Variants in INTS4 observed in about 807,000 individuals in gnomAD.
INTS4 encodes the protein integrator complex subunit 4.
In INTS4, 70 loss-of-function variants were observed where a neutral mutation model predicts 119.5. The ratio of observed to expected loss-of-function variants is 0.59; its 90% CI spans 0.48 to 0.71. INTS4 has a LOEUF of 0.71. INTS4 is among the 30% of genes least tolerant of loss of function. The pLI, the probability that INTS4 is intolerant of heterozygous loss-of-function variation, is 0.00. For missense variants in INTS4, 867 were observed against 1,173.2 expected (o/e 0.74, Z 3.81); for synonymous variants, 316 against 419.6 (o/e 0.75, Z 3.02).
chr11:77,940,620 G>T (rs1175990481), intron 9 of INTS4, among the ~76,000 whole-genome samples: 2 of 152,006 alleles, frequency 1.3e-5, no homozygotes, highest in Non-Finnish European at 2.9e-5. Context: ...GTTTTCTGGG[G>T]TTTTTTGGTT....
intron 10 of INTS4, among the ~76,000 whole-genome samples, chr11:77,929,411 G>C (rs1187340453): frequency 1.3e-5 from 2 of 152,096 alleles, no homozygotes; most frequent in Non-Finnish European, 2.9e-5. Context: ...CCACATATAT[G>C]TGATGAAGTC....
At chr11:77,956,714 AATAATAATAATAAT>A in intron 7 of INTS4, among the ~76,000 whole-genome samples, 1 of 8,714 alleles carries the variant, frequency 1.1e-4, no homozygotes, top group East Asian at 0.012. Flanking sequence ...CTCAAAAAAT[AATAATAATAATAAT>A]AATAATAATA....
chr11:77,970,998 C>T (rs532352716), intron 4 of INTS4, among the ~76,000 whole-genome samples: 9 of 151,780 alleles, frequency 5.9e-5, no homozygotes, highest in South Asian at 2.1e-4. Context: ...AGTAGAAACA[C>T]GGTTTCATCA....
At chr11:77,900,241 T>A (rs1255256954) in intron 18 of INTS4, among the ~76,000 whole-genome samples, 7 of 152,064 alleles carry the variant, frequency 4.6e-5, no homozygotes, top group East Asian at 3.9e-4. Context: ...CTGGGACTAC[T>A]GGTGCATGCC....
At chr11:77,901,793 A>T (rs1952785941) in intron 17 of INTS4, among the ~76,000 whole-genome samples, 1 of 151,934 alleles carries the variant, frequency 6.6e-6, no homozygotes, top group Non-Finnish European at 1.5e-5. Context: ...ATGTGAAGAT[A>T]AGAAAGTTTA....
rs188691997 is a variant in INTS4, at chr11:77,900,168, C to T, written c.2228+1253G>A. On this transcript the variant is annotated intron_variant, in intron 18 of 22. Coordinates refer to ENST00000534064, the MANE Select transcript of INTS4 (RefSeq NM_033547.4). ...AGGCTGGAGTGCAGTGGTGTGATTTCGGCCCACTGCAACCTCCACCTCCCA... is the reference window on the plus strand; with the variant it reads ...AGGCTGGAGTGCAGTGGTGTGATTTTGGCCCACTGCAACCTCCACCTCCCA... Among the ~76,000 whole-genome samples the T allele has an allele frequency of 9.2e-4, 139 of 151,300 alleles. 2 individuals are homozygous for T. The East Asian group carries it at 0.02, about 22-fold the overall frequency.
At chr11:77,963,484 G>T (rs933573103) in intron 4 of INTS4, 3 of 413,822 alleles carry the variant, frequency 7.2e-6, no homozygotes, top group African/African-American at 2.1e-5. Context: ...TCAGGCCATT[G>T]AAGTGCCATA....
chr11:77,917,366 T>G lies in INTS4; in HGVS notation c.1922+1455A>C, dbSNP rs192204101. ...TCTCACTCTGTTGCCCAGACTGGAG[T>G]GCAGTGGCGCAATCCTGGCTCACTG... On this transcript the variant is annotated intron_variant, in intron 15 of 22. Transcript: ENST00000534064. 7.1e-4 allele frequency among the ~76,000 whole-genome samples: 106 copies of G among 150,078 alleles called. 1 individual carries two copies. The highest frequency in any genetic ancestry group is 6.8e-3 in the Middle Eastern group (2 of 294).
At chr11:77,972,832 T>C (rs760080008) in intron 4 of INTS4, among the ~76,000 whole-genome samples, 2 of 36,812 alleles carry the variant, frequency 5.4e-5, no homozygotes, top group African/African-American at 1.8e-4. Flanking sequence ...CTTTTGTGGG[T>C]TTTTTTTTTT....
chr11:77,968,428 A>G (rs1217722189), intron 4 of INTS4, among the ~76,000 whole-genome samples: 1 of 152,196 alleles, frequency 6.6e-6, no homozygotes, highest in East Asian at 1.9e-4. Context: ...ACTTACCTGA[A>G]GTCCCTACAG....
At chr11:77,987,751 G>T (rs554724825) in intron 2 of INTS4, 24 of 413,778 alleles carry the variant, frequency 5.8e-5, no homozygotes, top group African/African-American at 4.3e-4. Flanking sequence ...GCATGTGCCT[G>T]TGGTCCCAGC....
At chr11:77,888,470 C>T (rs1952116171) in intron 21 of INTS4, among the ~76,000 whole-genome samples, 2 of 152,212 alleles carry the variant, frequency 1.3e-5, no homozygotes, top group South Asian at 4.2e-4. Context: ...CCATAAAAAC[C>T]CTAGAAGAAA....
chr11:77,994,567 G>A, intron 1 of INTS4, 23 bp downstream of exon 1: 1 of 1,577,686 alleles, frequency 6.3e-7, no homozygotes, highest in Non-Finnish European at 8.7e-7. Flanking sequence ...GATCGGTTCT[G>A]GATCTTTCCC....
chr11:77,982,974 A>G (rs1234550237), intron 2 of INTS4, among the ~76,000 whole-genome samples: 1 of 152,194 alleles, frequency 6.6e-6, no homozygotes, highest in Non-Finnish European at 1.5e-5. Flanking sequence ...TATGCACATA[A>G]CTTTAGAAAA....
At chr11:77,909,404 T>C (rs1591043164) in intron 15 of INTS4, among the ~76,000 whole-genome samples, 1 of 152,260 alleles carries the variant, frequency 6.6e-6, no homozygotes, top group Non-Finnish European at 1.5e-5. Flanking sequence ...TCAAGACACC[T>C]ACAGATTTGG....
chr11:77,930,002 A>G (rs1432111471), intron 10 of INTS4, among the ~76,000 whole-genome samples: 2 of 152,216 alleles, frequency 1.3e-5, no homozygotes, highest in African/African-American at 2.4e-5. Context: ...CAATAAAGCC[A>G]CTGATCCGAG....
intron 15 of INTS4, among the ~76,000 whole-genome samples, chr11:77,916,904 T>G (rs1487233894): frequency 6.6e-6 from 1 of 152,228 alleles, no homozygotes; most frequent in Non-Finnish European, 1.5e-5. Flanking sequence ...TCATTTCTTA[T>G]TTCTCTCTAC....
rs1483538013 is a variant in INTS4, at chr11:77,891,306, A to G, written c.2592+13T>C. 8.1e-6 allele frequency: 13 copies of G among 1,608,356 alleles called. No individual in the cohort carries two copies. In the Admixed American group the frequency reaches 1.7e-4, roughly 21 times the overall value. ...CAGTCTAGAAGCTCCATGAGGACCC[A>G]AACCCGACAGACCTGGACCTTAACA... On this transcript the variant is annotated intron_variant, in intron 21 of 22. Transcript: ENST00000534064.
At chr11:77,980,082 C>A (rs1214782529) in intron 3 of INTS4, among the ~76,000 whole-genome samples, 1 of 151,948 alleles carries the variant, frequency 6.6e-6, no homozygotes, top group Non-Finnish European at 1.5e-5. Flanking sequence ...ACATACCAGG[C>A]CTTCCATGTT....
Sources: allele counts gnomAD v4.1 joint callset (sites outside exome capture counted in the v4.1 genomes callset), GRCh38; gene constraint gnomAD v4.1.1; transcripts MANE v1.5; gene names NCBI Gene and HGNC (gene_info 2026-07-23, HGNC 2026-07-21).